Variants in EPB41L3 observed in about 807,000 individuals in gnomAD.
EPB41L3 encodes band 4.1-like protein 3.
In EPB41L3, 57 loss-of-function variants were observed where a neutral mutation model predicts 127.1. The ratio of observed to expected loss-of-function variants is 0.45; its 90% CI spans 0.36 to 0.56. The LOEUF (loss-of-function observed/expected upper bound fraction) is 0.56, where lower values mean the gene tolerates loss of function less well. EPB41L3 is among the 20% of genes least tolerant of loss of function. The pLI, the probability that EPB41L3 is intolerant of heterozygous loss-of-function variation, is 0.00. For missense variants in EPB41L3, 1,273 were observed against 1,372.2 expected, an observed-to-expected ratio of 0.93 and a Z score of 1.14; for synonymous variants, 572 against 549.5, an observed-to-expected ratio of 1.04 and a Z score of -0.57.
chr18:5,477,315 CAG>C (rs1858347377), intron 3 of EPB41L3, among the ~76,000 whole-genome samples: 1 of 152,154 alleles, frequency 6.6e-6, no homozygotes, highest in Non-Finnish European at 1.5e-5. Context: ...CTGCCTGGGA[CAG>C]AGTCTCAGCA....
chr18:5,519,687 C>A (rs575571498), intron 1 of EPB41L3, among the ~76,000 whole-genome samples: 14 of 152,126 alleles, frequency 9.2e-5, no homozygotes, highest in Non-Finnish European at 1.8e-4. Flanking sequence ...CAGAGGGGAC[C>A]GGGACAAATC....
At chr18:5,498,134 C>T (rs2091353056) in intron 1 of EPB41L3, among the ~76,000 whole-genome samples, 2 of 152,210 alleles carry the variant, frequency 1.3e-5, no homozygotes, top group African/African-American at 4.8e-5. Flanking sequence ...TAAACTTTTT[C>T]ACTTGACAAG....
Position 5,484,111 on chromosome 18 carries a change from A to ACC in EPB41L3, c.183+4889_183+4890insGG, listed in dbSNP as rs1370605550. 7.6e-3 allele frequency among the ~76,000 whole-genome samples: 1,006 copies of ACC among 132,188 alleles called. 22 individuals are homozygous for ACC. Among genetic ancestry groups the ACC allele is most frequent in the African/African-American group, 0.03 (936 of 31,070 alleles). The allele number at this position is 132,188 out of a possible 152,430, so 86.7% of individuals were successfully genotyped here. A position where few individuals can be genotyped will look rare whatever the true frequency, so the allele number is the denominator to read the frequency against. ...CAAAAAAAAAAAAAAAAAAAAAAAA[A>ACC]AAAAAAAAAACAGAAAAAAAAAATC... is the stretch of plus-strand genomic sequence containing the variant. On this transcript the variant is annotated intron_variant, in intron 2 of 22. Transcript: ENST00000341928.
intron 1 of EPB41L3, among the ~76,000 whole-genome samples, chr18:5,491,688 T>A (rs8087591): frequency 0.013 from 2,047 of 152,264 alleles, 31 homozygotes; most frequent in African/African-American, 0.033. Flanking sequence ...ATTTCCTAGG[T>A]ATATTAATTT....
chr18:5,471,716 G>C (rs955260406), intron 3 of EPB41L3, among the ~76,000 whole-genome samples: 2 of 152,166 alleles, frequency 1.3e-5, no homozygotes, highest in Non-Finnish European at 2.9e-5. Context: ...TCCATTTCAT[G>C]ACATCAGCAA....
At chr18:5,541,039 C>G (rs1211392157) in intron 1 of EPB41L3, among the ~76,000 whole-genome samples, 1 of 145,334 alleles carries the variant, frequency 6.9e-6, no homozygotes, top group African/African-American at 2.6e-5. Context: ...GAGCCGAGAT[C>G]GCACCACTGC....
At chr18:5,472,334 AAGTCC>A (rs1299661159) in intron 3 of EPB41L3, among the ~76,000 whole-genome samples, 6 of 152,280 alleles carry the variant, frequency 3.9e-5, no homozygotes, top group Non-Finnish European at 5.9e-5. Flanking sequence ...ACGTTAATTA[AAGTCC>A]TTCCATCCTC....
At chr18:5,608,977 T>C (rs1197787159) in intron 3 of EPB41L3, among the ~76,000 whole-genome samples, 1 of 152,234 alleles carries the variant, frequency 6.6e-6, no homozygotes, top group African/African-American at 2.4e-5. Flanking sequence ...CCAAATTACT[T>C]ACACCAGAAT....
At chr18:5,556,995 C>CT (rs879593180) in intron 3 of EPB41L3, among the ~76,000 whole-genome samples, 2,833 of 152,256 alleles carry the variant, frequency 0.019, 32 homozygotes, top group Non-Finnish European at 0.03. Context: ...CGGGGGTCTC[C>CT]CTCCTTCCTC....
intron 3 of EPB41L3, among the ~76,000 whole-genome samples, chr18:5,457,780 C>G (rs1232486041): frequency 6.6e-6 from 1 of 152,134 alleles, no homozygotes; most frequent in Non-Finnish European, 1.5e-5. Context: ...CACCTCCACG[C>G]CCCGAAGCCT....
chr18:5,591,360 C>T (rs1399616623), intron 3 of EPB41L3, among the ~76,000 whole-genome samples: 1 of 152,078 alleles, frequency 6.6e-6, no homozygotes, highest in Non-Finnish European at 1.5e-5. Flanking sequence ...GATTTGGTGT[C>T]TGGTGAGGGC....
chr18:5,586,749 T>A (rs2094445939), intron 3 of EPB41L3, among the ~76,000 whole-genome samples: 1 of 152,096 alleles, frequency 6.6e-6, no homozygotes, highest in South Asian at 2.1e-4. Flanking sequence ...AAATAGGAGT[T>A]CATGTATTGT....
At chr18:5,502,030 C>CCCTCCTGCCTCCTGCCTCCTG (rs149341118) in intron 1 of EPB41L3, among the ~76,000 whole-genome samples, 4 of 151,786 alleles carry the variant, frequency 2.6e-5, no homozygotes, top group East Asian at 1.9e-4. Flanking sequence ...TCGCCATCTT[C>CCCTCCTGCCTCCTGCCTCCTG]CCTCCTGCCT....
chr18:5,424,084 A>G (rs562401298), intron 10 of EPB41L3, among the ~76,000 whole-genome samples, 178 bp downstream of exon 10: 2 of 152,338 alleles, frequency 1.3e-5, no homozygotes, highest in African/African-American at 4.8e-5. Flanking sequence ...CAAATTAGGG[A>G]AAATCCTTCA....
At chr18:5,541,071 C>G (rs1330149716) in intron 1 of EPB41L3, among the ~76,000 whole-genome samples, 2 of 110,056 alleles carry the variant, frequency 1.8e-5, no homozygotes, top group Admixed American at 2.5e-4. Context: ...GGCGACAGAG[C>G]GAGACTCCGT....
intron 1 of EPB41L3, among the ~76,000 whole-genome samples, chr18:5,624,261 T>C (rs568632180): frequency 1.3e-5 from 2 of 152,322 alleles, no homozygotes; most frequent in East Asian, 1.9e-4. Flanking sequence ...TCTGAAATTG[T>C]TGGGATTACA....
intron 3 of EPB41L3, among the ~76,000 whole-genome samples, chr18:5,575,826 G>C (rs1372398071): frequency 6.6e-6 from 1 of 152,060 alleles, no homozygotes; most frequent in Admixed American, 6.6e-5. Context: ...GACAGAGTGA[G>C]ACTCCGTCTC....
chr18:5,561,582 T>C (rs1460418211), intron 3 of EPB41L3, among the ~76,000 whole-genome samples: 1 of 152,190 alleles, frequency 6.6e-6, no homozygotes, highest in East Asian at 1.9e-4. Flanking sequence ...CAATTAATAG[T>C]TGTAGTATGA....
chr18:5,575,954 CT>C (rs2094333358), intron 3 of EPB41L3, among the ~76,000 whole-genome samples: 1 of 152,194 alleles, frequency 6.6e-6, no homozygotes, highest in South Asian at 2.1e-4. Flanking sequence ...TAAACAATAT[CT>C]TTACACTTAA....
Sources: gnomAD v4.1 joint callset for allele counts (sites outside exome capture counted in the v4.1 genomes callset) on GRCh38, gnomAD v4.1.1 for gene constraint, MANE v1.5 for transcripts, NCBI Gene and HGNC (gene_info 2026-07-23, HGNC 2026-07-21) for gene names.